ACTR3C: variants seen among roughly 807,000 people sequenced by gnomAD.
The protein encoded by ACTR3C is actin-related protein 3C.
In ACTR3C, 18 loss-of-function variants were observed where a neutral mutation model predicts 26.3. The ratio of observed to expected loss-of-function variants is 0.68; its 90% CI spans 0.47 to 1.01. The LOEUF is 1.01. Among genes scored for constraint, ACTR3C ranks in the 50% least tolerant of loss-of-function variants. ACTR3C has a pLI of 0.00. For missense variants in ACTR3C, 184 were observed against 250.7 expected, an observed-to-expected ratio of 0.73 and a Z score of 1.80; for synonymous variants, 55 against 94.5, an observed-to-expected ratio of 0.58 and a Z score of 2.42.
At chr7:150,033,962 G>T in the ACTR3C span, among the ~76,000 whole-genome samples, 2 of 113,084 alleles carry the variant, frequency 1.8e-5, no homozygotes, top group South Asian at 3.2e-4. Flanking sequence ...GCGAGGGGGG[G>T]AAGGGGGACG....
the ACTR3C span, among the ~76,000 whole-genome samples, chr7:150,016,485 C>T: frequency 6.6e-6 from 1 of 152,082 alleles, no homozygotes; most frequent in Non-Finnish European, 1.5e-5. Context: ...TCCATGCAGA[C>T]CTCCTAGCCT....
chr7:150,194,800 C>T, the ACTR3C span, among the ~76,000 whole-genome samples: 2 of 152,042 alleles, frequency 1.3e-5, no homozygotes, highest in Non-Finnish European at 2.9e-5. Flanking sequence ...CTTTAAATAA[C>T]ATTATTCTCC....
chr7:150,191,698 A>C, the ACTR3C span, among the ~76,000 whole-genome samples: 1 of 152,102 alleles, frequency 6.6e-6, no homozygotes, highest in Admixed American at 6.6e-5. Flanking sequence ...TGAGGCCTTT[A>C]TTTCTTTTCC....
the ACTR3C span, among the ~76,000 whole-genome samples, chr7:150,024,626 T>C: frequency 6.7e-6 from 1 of 149,066 alleles, no homozygotes; most frequent in Non-Finnish European, 1.5e-5. Context: ...AGGCTATTTT[T>C]ATTTCCATCC....
At chr7:149,946,866 A>G in the ACTR3C span, among the ~76,000 whole-genome samples, 2 of 152,162 alleles carry the variant, frequency 1.3e-5, no homozygotes, top group African/African-American at 4.8e-5. Context: ...CTGGGGAAAG[A>G]AACCGCATTG....
the ACTR3C span, among the ~76,000 whole-genome samples, chr7:150,107,810 A>G: frequency 1.3e-5 from 2 of 151,724 alleles, no homozygotes; most frequent in Non-Finnish European, 2.9e-5. Flanking sequence ...CAAGAGATAA[A>G]TATGAGGGAT....
At chr7:150,200,987 A>G in the ACTR3C span, among the ~76,000 whole-genome samples, 1 of 152,228 alleles carries the variant, frequency 6.6e-6, no homozygotes, top group African/African-American at 2.4e-5. Flanking sequence ...TACATTATTT[A>G]TTTTAAACTC....
At chr7:150,186,901 G>A in the ACTR3C span, among the ~76,000 whole-genome samples, 3 of 152,096 alleles carry the variant, frequency 2.0e-5, no homozygotes, top group Non-Finnish European at 4.4e-5. Flanking sequence ...AGGACTCATA[G>A]CTAAATAATT....
chr7:150,149,423 C>T, the ACTR3C span, among the ~76,000 whole-genome samples: 6,820 of 151,456 alleles, frequency 0.045, 224 homozygotes, highest in Non-Finnish European at 0.067. Flanking sequence ...TATACGTGTG[C>T]CATGTTGGTG....
chr7:150,190,944 A>G, the ACTR3C span, among the ~76,000 whole-genome samples: 1 of 152,128 alleles, frequency 6.6e-6, no homozygotes, highest in African/African-American at 2.4e-5. Context: ...AGGAGGACTC[A>G]TTCACTATCA....
At chr7:149,914,054 T>A in the ACTR3C span, among the ~76,000 whole-genome samples, 1 of 147,636 alleles carries the variant, frequency 6.8e-6, no homozygotes, top group South Asian at 2.2e-4. Flanking sequence ...CCCGGCTAAG[T>A]TTTTTTTTAT....
chr7:150,052,897 T>C, the ACTR3C span, among the ~76,000 whole-genome samples: 1 of 94,032 alleles, frequency 1.1e-5, no homozygotes, highest in South Asian at 4.1e-4. Context: ...TCACTTCTGT[T>C]GTCTTGCCTT....
the ACTR3C span, among the ~76,000 whole-genome samples, chr7:150,039,731 C>A: frequency 4.0e-3 from 545 of 137,668 alleles, no homozygotes; most frequent in African/African-American, 0.013. Context: ...AGTCCCCACC[C>A]TCGCGGGGGG....
the ACTR3C span, among the ~76,000 whole-genome samples, chr7:150,067,837 A>G: frequency 1.3e-5 from 2 of 150,194 alleles, no homozygotes; most frequent in Non-Finnish European, 2.9e-5. Flanking sequence ...GGGTGCGGAC[A>G]CATTTTAAAG....
chr7:150,098,139 A>G, the ACTR3C span, among the ~76,000 whole-genome samples: 20 of 151,690 alleles, frequency 1.3e-4, 1 homozygote, highest in African/African-American at 4.1e-4. Flanking sequence ...AGGTTTCCCA[A>G]TAGTTTAGAG....
chr7:150,197,345 G>T, the ACTR3C span, among the ~76,000 whole-genome samples: 101 of 152,290 alleles, frequency 6.6e-4, no homozygotes, highest in African/African-American at 2.1e-3. Context: ...TGTTATTCCA[G>T]CTGAGTCCTT....
At chr7:149,966,057 T>C in the ACTR3C span, among the ~76,000 whole-genome samples, 3 of 152,244 alleles carry the variant, frequency 2.0e-5, no homozygotes, top group Admixed American at 6.5e-5. Context: ...CAGAAGGACC[T>C]GGACATGTCT....
At chr7:150,139,059 A>G in the ACTR3C span, among the ~76,000 whole-genome samples, 1 of 152,282 alleles carries the variant, frequency 6.6e-6, no homozygotes, top group Non-Finnish European at 1.5e-5. Flanking sequence ...ATTATACGTT[A>G]CAATGTAATA....
At chr7:150,158,051 C>A in the ACTR3C span, among the ~76,000 whole-genome samples, 1 of 152,094 alleles carries the variant, frequency 6.6e-6, no homozygotes, top group African/African-American at 2.4e-5. Context: ...GACATTTCTT[C>A]CAAAGAAGAC....
Sources: gnomAD v4.1 joint callset for allele counts (sites outside exome capture counted in the v4.1 genomes callset) on GRCh38, gnomAD v4.1.1 for gene constraint, MANE v1.5 for transcripts, NCBI Gene and HGNC (gene_info 2026-07-23, HGNC 2026-07-21) for gene names.